ADGRV1: variants seen among roughly 807,000 people sequenced by gnomAD.
ADGRV1 encodes the protein G-protein coupled receptor 98.
In ADGRV1, 359 loss-of-function variants were observed where a neutral mutation model predicts 596.2. The ratio of observed to expected loss-of-function variants is 0.60; its 90% CI spans 0.55 to 0.66. ADGRV1 has a LOEUF of 0.66. Among genes scored for constraint, ADGRV1 ranks in the 30% least tolerant of loss-of-function variants. The pLI is 0.00. For missense variants in ADGRV1, 7,274 were observed against 7,575.6 expected, an observed-to-expected ratio of 0.96 and a Z score of 1.48; for synonymous variants, 2,681 against 2,679.2, an observed-to-expected ratio of 1.00 and a Z score of -0.02.
At chr5:90,985,703 G>A (rs566972813) in intron 85 of ADGRV1, among the ~76,000 whole-genome samples, 181 bp downstream of exon 85, 103 of 152,098 alleles carry the variant, frequency 6.8e-4, no homozygotes, top group Non-Finnish European at 9.6e-4. Context: ...AAGTTTCTTT[G>A]GTAGATGCAG....
chr5:90,882,090 T>C (rs1035508967), intron 83 of ADGRV1, among the ~76,000 whole-genome samples: 5 of 152,178 alleles, frequency 3.3e-5, no homozygotes, highest in Admixed American at 2.6e-4. Context: ...TCATATATGG[T>C]AGAAAATTGC....
At position 90,689,890 on chromosome 5, in the gene ADGRV1, G is replaced by A. The variant is rs773887842; in HGVS notation, c.6520G>A (p.Val2174Met). The change falls in exon 30 of 90, where the codon GTG becomes ATG. Residue 2174 changes from valine to methionine, a missense_variant. Coordinates refer to ENST00000405460, the MANE Select transcript of ADGRV1 (RefSeq NM_032119.4). ...GEDYSIASSD[V>M]VLLEGETSKA... ...AGATTATAGTATAGCTTCATCAGATGTGGTCTTGCTAGAAGGGGAAACCAG... is the reference window on the plus strand; with the variant it reads ...AGATTATAGTATAGCTTCATCAGATATGGTCTTGCTAGAAGGGGAAACCAG... 2 of 1,612,926 alleles carry A rather than the reference G, an allele frequency of 1.2e-6. No homozygotes were observed. The highest frequency in any genetic ancestry group is 1.7e-6 in the Non-Finnish European group (2 of 1,179,268).
intron 59 of ADGRV1, 100 bp downstream of exon 59, chr5:90,763,569 T>C: frequency 8.4e-7 from 1 of 1,186,232 alleles, no homozygotes; most frequent in Non-Finnish European, 1.2e-6. Context: ...TGCAGGTTTG[T>C]TACATGGGTA....
At position 90,685,950 on chromosome 5, in the gene ADGRV1, G is replaced by T; in HGVS notation, c.6445G>T (p.Asp2149Tyr). ...NVTRTGGAFADVSVKFKAVPI... is the reference protein window; with the variant it reads ...NVTRTGGAFAYVSVKFKAVPI... The stretch of plus-strand genomic sequence containing the variant: ...GACTAGAACAGGAGGAGCATTTGCA[G>T]ATGTCTCTGTGAAGTTTAAAGCTGT... Residue 2149 changes from aspartate to tyrosine, a missense_variant, in exon 29 of 90, where the codon GAT becomes TAT. Physicochemically the swap from Asp to Tyr is radical, Grantham distance 160. Transcript: ENST00000405460. The T allele has an allele frequency of 6.2e-7, 1 of 1,605,230 alleles. No individual in the cohort carries two copies.
chr5:90,810,009 G>C (rs1762288557), intron 73 of ADGRV1, among the ~76,000 whole-genome samples: 1 of 152,170 alleles, frequency 6.6e-6, no homozygotes, highest in Non-Finnish European at 1.5e-5. Context: ...TTTTCATTTA[G>C]CTCAGACTTG....
At chr5:91,067,469 C>T (rs1488568874) in intron 85 of ADGRV1, among the ~76,000 whole-genome samples, 3 of 152,050 alleles carry the variant, frequency 2.0e-5, no homozygotes, top group Non-Finnish European at 4.4e-5. Flanking sequence ...AGATCATTAG[C>T]GCTTAGAGAG....
chr5:90,970,152 T>G (rs1328409285), intron 84 of ADGRV1, among the ~76,000 whole-genome samples: 1 of 152,172 alleles, frequency 6.6e-6, no homozygotes, highest in Non-Finnish European at 1.5e-5. Flanking sequence ...GAGATCGAAG[T>G]GCAAGGCAGC....
chr5:90,866,725 T>A (rs1397286357), intron 83 of ADGRV1, among the ~76,000 whole-genome samples: 1 of 152,146 alleles, frequency 6.6e-6, no homozygotes, highest in African/African-American at 2.4e-5. Context: ...TATATCTTTC[T>A]ACTGCTTATA....
chr5:90,681,456 T>C lies in ADGRV1; in HGVS notation c.5664+2T>C. ...GGGTATAGCACTGTTACATTAAATG[T>C]GAGTACCTTTTCTTCCTTCATTCCT... On this transcript the variant is annotated splice_donor_variant, in intron 27 of 89. Coordinates refer to ENST00000405460, the MANE Select transcript of ADGRV1 (RefSeq NM_032119.4). LOFTEE classifies it high-confidence loss of function. 6.2e-7 allele frequency: 1 copy of C among 1,607,124 alleles called. No individual in the cohort carries two copies.
At chr5:90,966,608 C>T (rs1303312748) in intron 84 of ADGRV1, among the ~76,000 whole-genome samples, 1 of 151,162 alleles carries the variant, frequency 6.6e-6, no homozygotes, top group African/African-American at 2.4e-5. Flanking sequence ...GAAAATGGAG[C>T]CATTGGTTTG....
At chr5:90,883,000 A>T (rs1421955482) in intron 83 of ADGRV1, among the ~76,000 whole-genome samples, 8 of 152,126 alleles carry the variant, frequency 5.3e-5, no homozygotes, top group Non-Finnish European at 2.9e-5. Context: ...TTTGGGTAGT[A>T]ATATTTTCAT....
At chr5:90,959,606 C>T (rs1388572943) in intron 83 of ADGRV1, among the ~76,000 whole-genome samples, 2 of 151,846 alleles carry the variant, frequency 1.3e-5, no homozygotes, top group Non-Finnish European at 2.9e-5. Context: ...TAAACATAGA[C>T]AAATAGATCA....
At chr5:90,656,509 T>C (rs1193724613) in intron 20 of ADGRV1, among the ~76,000 whole-genome samples, 1 of 152,188 alleles carries the variant, frequency 6.6e-6, no homozygotes, top group Non-Finnish European at 1.5e-5. Context: ...GGAACTTATA[T>C]CATTACAGTT....
In ADGRV1 at chr5:90,782,115, T is replaced by C. The variant is rs555678683; in HGVS notation, c.13231+537T>C. Among the ~76,000 whole-genome samples, 10 of 152,312 alleles carry C rather than the reference T, an allele frequency of 6.6e-5. No individual in the cohort carries two copies. The South Asian group carries it at 1.2e-3, about 19-fold the overall frequency. On this transcript the variant is annotated intron_variant, in intron 65 of 89. Transcript: ENST00000405460. ...TCCTTCCCAGGTAGGAAGAGATGGC[T>C]GCCTTTCTAGGAAATGATTTTATTC...
At chr5:91,113,885 C>T (rs1223241136) in intron 87 of ADGRV1, among the ~76,000 whole-genome samples, 1 of 151,052 alleles carries the variant, frequency 6.6e-6, no homozygotes, top group Non-Finnish European at 1.5e-5. Flanking sequence ...CGTCACTTTA[C>T]TCCAGCCTGG....
chr5:90,912,524 C>A (rs1433232627), intron 83 of ADGRV1, among the ~76,000 whole-genome samples: 2 of 152,138 alleles, frequency 1.3e-5, no homozygotes, highest in African/African-American at 4.8e-5. Context: ...CTTTTCAACA[C>A]TTTCTCCCCT....
intron 1 of ADGRV1, among the ~76,000 whole-genome samples, chr5:90,598,269 A>G (rs1201182137): frequency 6.6e-6 from 1 of 152,222 alleles, no homozygotes; most frequent in Non-Finnish European, 1.5e-5. Flanking sequence ...TGAATGATGA[A>G]TGAATGTTAG....
intron 17 of ADGRV1, among the ~76,000 whole-genome samples, chr5:90,651,125 A>T (rs1468690548): frequency 6.6e-6 from 1 of 152,218 alleles, no homozygotes; most frequent in Admixed American, 6.5e-5. Flanking sequence ...AGAGATGTAA[A>T]GGGAAACACT....
At chr5:90,593,423 G>A (rs1265498260) in intron 1 of ADGRV1, among the ~76,000 whole-genome samples, 1 of 152,040 alleles carries the variant, frequency 6.6e-6, no homozygotes, top group African/African-American at 2.4e-5. Context: ...GACACAGGGC[G>A]GGGAACATCA....
Sources: gnomAD v4.1 joint callset for allele counts (sites outside exome capture counted in the v4.1 genomes callset) on GRCh38, gnomAD v4.1.1 for gene constraint, MANE v1.5 for transcripts, NCBI Gene and HGNC (gene_info 2026-07-23, HGNC 2026-07-21) for gene names.